The following DIXDC1 variants were observed in gnomAD, a reference collection of about 807,000 sequenced individuals.
DIXDC1 encodes DIX domain containing 1, also known as dixin.
Under a neutral mutation model 103.1 loss-of-function variants are expected in DIXDC1, and 64 were observed. That is an observed-to-expected ratio of 0.62 (90% CI 0.51 to 0.76). The LOEUF (loss-of-function observed/expected upper bound fraction) is 0.76. DIXDC1 is among the 30% of genes least tolerant of loss of function. DIXDC1 has a pLI of 0.00. For missense variants in DIXDC1, 759 were observed against 834.2 expected, an observed-to-expected ratio of 0.91 and a Z score of 1.11; for synonymous variants, 266 against 298.5, an observed-to-expected ratio of 0.89 and a Z score of 1.12.
At chr11:112,008,145 A>AG (rs1861299428) in intron 17 of DIXDC1, among the ~76,000 whole-genome samples, 1 of 151,658 alleles carries the variant, frequency 6.6e-6, no homozygotes, top group Non-Finnish European at 1.5e-5. Context: ...AAAAAAAAAA[A>AG]AAGAAAAGCA....
At chr11:111,934,495 G>T (rs1426956140), upstream of DIXDC1, among the ~76,000 whole-genome samples, 5 of 152,204 alleles carry the variant, frequency 3.3e-5, no homozygotes, top group Non-Finnish European at 5.9e-5. Flanking sequence ...AGTGGTTCCA[G>T]CTACCCAGAT....
At chr11:111,979,476 G>A (rs1330735582) in intron 5 of DIXDC1, among the ~76,000 whole-genome samples, 2 of 152,212 alleles carry the variant, frequency 1.3e-5, no homozygotes, top group African/African-American at 4.8e-5. Context: ...CTCAGCCCCT[G>A]AGATTCTTTC....
At chr11:111,928,789 A>C (rs1965920843) in intron 1 of DIXDC1, among the ~76,000 whole-genome samples, 1 of 151,942 alleles carries the variant, frequency 6.6e-6, no homozygotes, top group Non-Finnish European at 1.5e-5. Context: ...AAAAGGTAGA[A>C]TCATTAACTC....
chr11:111,973,491 T>C (rs1175638178), intron 3 of DIXDC1, among the ~76,000 whole-genome samples: 5 of 152,242 alleles, frequency 3.3e-5, no homozygotes, highest in African/African-American at 1.2e-4. Context: ...TTTGGGGGCA[T>C]GTGTGTATGC....
chr11:111,936,790 A>T (rs1021074410), upstream of DIXDC1, among the ~76,000 whole-genome samples: 8 of 151,076 alleles, frequency 5.3e-5, no homozygotes, highest in Admixed American at 2.0e-4. Context: ...AAATCCTATG[A>T]TTCACTCCCT....
Position 111,974,988 on chromosome 11 carries a change from CTG to C in DIXDC1, c.656+8_656+9del. On this transcript the variant is annotated splice_donor_region_variant and intron_variant, in intron 5 of 19. Coordinates refer to ENST00000440460, the MANE Select transcript of DIXDC1 (RefSeq NM_001037954.4). Reference sequence around the variant, plus strand: ...GTCTGAATCCAGCTGCTCCAGGTAACTGTGGCCTCTGAAACCTGAATTCTGGA... The same window carrying C: ...GTCTGAATCCAGCTGCTCCAGGTAACTGGCCTCTGAAACCTGAATTCTGGA... The C allele has an allele frequency of 6.2e-7, 1 of 1,607,692 alleles. No homozygotes were observed. Among genetic ancestry groups the C allele is most frequent in the South Asian group, 1.1e-5 (1 of 89,740 alleles).
At chr11:112,002,610 G>A (rs587766100) in intron 17 of DIXDC1, among the ~76,000 whole-genome samples, 16 of 152,256 alleles carry the variant, frequency 1.1e-4, no homozygotes, top group Admixed American at 7.2e-4. Context: ...GGGCAACAGA[G>A]CAAGACCTTG....
chr11:111,989,129 G>A, intron 10 of DIXDC1, 74 bp downstream of exon 10: 1 of 1,317,436 alleles, frequency 7.6e-7, no homozygotes, highest in Non-Finnish European at 1.0e-6. Context: ...AGTGGTGAGA[G>A]TTGGAATTTT....
At chr11:111,983,298 T>C (rs1411359802) in intron 7 of DIXDC1, among the ~76,000 whole-genome samples, 1 of 152,194 alleles carries the variant, frequency 6.6e-6, no homozygotes, top group Non-Finnish European at 1.5e-5. Context: ...GTGGAGGGCG[T>C]GCTCCCAGCT....
intron 17 of DIXDC1, among the ~76,000 whole-genome samples, chr11:112,006,546 C>A (rs1419575183): frequency 1.3e-5 from 2 of 152,202 alleles, no homozygotes; most frequent in African/African-American, 2.4e-5. Context: ...GGATGACTTA[C>A]ATCTCATACA....
chr11:111,986,272 G>A (rs1222965346), intron 8 of DIXDC1, among the ~76,000 whole-genome samples: 1 of 151,474 alleles, frequency 6.6e-6, no homozygotes, highest in East Asian at 1.9e-4. Flanking sequence ...TCTTGATCTC[G>A]CCCTGATATT....
At chr11:111,965,337 G>T (rs1175721860) in intron 2 of DIXDC1, among the ~76,000 whole-genome samples, 2 of 152,062 alleles carry the variant, frequency 1.3e-5, no homozygotes, top group African/African-American at 4.8e-5. Flanking sequence ...TACCTATCCT[G>T]TGTGATCTGA....
intron 5 of DIXDC1, among the ~76,000 whole-genome samples, chr11:111,978,481 G>GGCCTCACATTGGCA (rs1860192107): frequency 6.6e-6 from 1 of 151,972 alleles, no homozygotes; most frequent in Non-Finnish European, 1.5e-5. Flanking sequence ...ACCTCTCGGT[G>GGCCTCACATTGGCA]GCCTCACATT....
intron 9 of DIXDC1, among the ~76,000 whole-genome samples, chr11:111,988,492 T>C (rs1363430309): frequency 1.3e-5 from 2 of 152,220 alleles, no homozygotes; most frequent in African/African-American, 2.4e-5. Context: ...AAGGGAATGT[T>C]AATTACTCAG....
Position 111,968,514 on chromosome 11 carries a change from A to T in DIXDC1, c.192A>T (p.Ala64=). The change falls in exon 3 of 20, where the codon GCA becomes GCT. Residue 64 remains alanine, a splice_region_variant and synonymous_variant. Transcript: ENST00000440460. ...VILAYLIEIV[A]GEKLSGVQLS... ...CCTATATTTTCTCTCTCCTAACAGCAGGAGAAAAGCTGAGTGGGGTACAGC... is the reference window on the plus strand; with the variant it reads ...CCTATATTTTCTCTCTCCTAACAGCTGGAGAAAAGCTGAGTGGGGTACAGC... The T allele has an allele frequency of 6.2e-7, 1 of 1,612,816 alleles. No homozygotes were observed. The highest frequency in any genetic ancestry group is 1.3e-5 in the African/African-American group (1 of 75,032).
Position 112,017,739 on chromosome 11 carries a change from T to A in DIXDC1, c.1863-38T>A. On this transcript the variant is annotated intron_variant, in intron 18 of 19. Coordinates refer to ENST00000440460, the MANE Select transcript of DIXDC1 (RefSeq NM_001037954.4). This position sits in a 1 kb window ranked among gnomAD's most constrained non-coding sequence, Gnocchi z 4.0. ...AACATCTTATCTTTCCAGCTATTGA[T>A]CAACAGTCTATTTTAGTGCTCTCTC... 1 of 1,526,696 alleles carries A rather than the reference T, an allele frequency of 6.6e-7. No homozygotes were observed. The highest frequency in any genetic ancestry group is 9.0e-7 in the Non-Finnish European group (1 of 1,114,284). 94.6% of individuals were successfully genotyped at this position (1,526,696 alleles called of 1,614,324 possible).
At chr11:111,932,594 A>C (rs1372110685), upstream of DIXDC1, among the ~76,000 whole-genome samples, 1 of 151,656 alleles carries the variant, frequency 6.6e-6, no homozygotes, top group African/African-American at 2.4e-5. Flanking sequence ...CTCAAAAAAA[A>C]AAAAAAAAGA....
chr11:111,930,849 C>CCT (rs1965989451), intron 2 of DIXDC1, among the ~76,000 whole-genome samples: 1 of 116,864 alleles, frequency 8.6e-6, no homozygotes, highest in African/African-American at 3.7e-5. Context: ...TCTTTCTTTC[C>CCT]TTTTTTTTTT....
chr11:111,958,556 G>T lies in DIXDC1; in HGVS notation c.61-5993G>T, dbSNP rs1393859159. ...CTTTGGGTGCCGAAAAGCACCAGAG[G>T]GAGGCTGAGGGGATGGTGTGGGCAG... On this transcript the variant is annotated intron_variant, in intron 1 of 19. Coordinates refer to ENST00000440460, the MANE Select transcript of DIXDC1 (RefSeq NM_001037954.4). The surrounding 1 kb of genome is among the most constrained non-coding windows in gnomAD (Gnocchi z 4.2). 6.6e-6 allele frequency among the ~76,000 whole-genome samples: 1 copy of T among 152,182 alleles called. No individual in the cohort carries two copies. Among genetic ancestry groups the T allele is most frequent in the Non-Finnish European group, 1.5e-5 (1 of 68,034 alleles).
Sources: gnomAD v4.1 joint callset for allele counts (sites outside exome capture counted in the v4.1 genomes callset) on GRCh38, gnomAD v4.1.1 for gene constraint, Gnocchi (gnomAD v3.1) non-coding constraint, MANE v1.5 for transcripts, NCBI Gene and HGNC (gene_info 2026-07-23, HGNC 2026-07-21) for gene names.